Variants in SFXN2 observed in about 807,000 individuals in gnomAD.
SFXN2 encodes the protein sideroflexin 2.
A neutral mutation model predicts 41.9 loss-of-function variants in SFXN2; 37 were observed. That is an observed-to-expected ratio of 0.88 (90% CI 0.68 to 1.16). SFXN2 has a LOEUF of 1.16. Among genes scored for constraint, SFXN2 ranks in the 50% most tolerant of loss-of-function variants. SFXN2 has a pLI of 0.00. For synonymous variants in SFXN2, 150 were observed against 156.7 expected (o/e 0.96, Z 0.32); for missense variants, 386 against 425.2 (o/e 0.91, Z 0.81).
rs1392679789 is a variant in SFXN2, at chr10:102,739,381, T to C, written c.*1619T>C. On this transcript the variant is annotated 3_prime_UTR_variant, in exon 12 of 12. Transcript: ENST00000369893. ...ACAGGAAGCTCCAGATCTCCCAGAA[T>C]GGGAGCTGTGTTGCCCTAGAGCAAG... 6.6e-6 allele frequency: 1 copy of C among 152,160 alleles called. No homozygotes were observed. The highest frequency in any genetic ancestry group is 1.5e-5 in the Non-Finnish European group (1 of 68,020). The allele number at this position is 152,160 out of a possible 1,614,324, so 9.4% of individuals were successfully genotyped here.
intron 10 of SFXN2, among the ~76,000 whole-genome samples, chr10:102,733,877 A>G (rs1237890531): frequency 9.0e-6 from 1 of 111,648 alleles, no homozygotes; most frequent in Non-Finnish European, 1.8e-5. Flanking sequence ...GTCTGGAGCA[A>G]TTTTTTTGTT....
intron 5 of SFXN2, 35 bp downstream of exon 5, chr10:102,729,429 G>A (rs1217651227): frequency 4.4e-6 from 7 of 1,608,902 alleles, no homozygotes; most frequent in South Asian, 1.1e-5. Context: ...TGGTGGCCAC[G>A]CGGGGGCAGC....
chr10:102,731,782 G>A lies in SFXN2; in HGVS notation c.653G>A (p.Arg218Gln), dbSNP rs568644073. The change falls in exon 7 of 12, where the codon CGG becomes CAG. Residue 218 changes from arginine to glutamine, a missense_variant and splice_region_variant. Transcript: ENST00000369893. ...DRNENEIGHS[R>Q]RAAAIGITQV... ...AATGAAAATGAGATTGGTCATTCCCGGGTGAGCAGAGGCCTCCCTTTGGGG... is the reference window on the plus strand; with the variant it reads ...AATGAAAATGAGATTGGTCATTCCCAGGTGAGCAGAGGCCTCCCTTTGGGG... 126 of 1,613,762 alleles carry A rather than the reference G, an allele frequency of 7.8e-5. No individual in the cohort carries two copies. The highest frequency in any genetic ancestry group is 8.7e-5 in the Non-Finnish European group (103 of 1,179,762).
chr10:102,726,142 GT>G (rs1342387340), intron 1 of SFXN2, among the ~76,000 whole-genome samples: 2 of 152,074 alleles, frequency 1.3e-5, no homozygotes, highest in African/African-American at 4.8e-5. Flanking sequence ...TAGAGATGGG[GT>G]TTCACCATGT....
intron 11 of SFXN2, 23 bp from the exon 12 acceptor site, chr10:102,737,640 A>G (rs1432602300): frequency 6.5e-7 from 1 of 1,539,792 alleles, no homozygotes; most frequent in South Asian, 1.1e-5. Flanking sequence ...TGGCATGCTC[A>G]TAATCCACTT....
intron 1 of SFXN2, 92 bp from the exon 2 acceptor site, chr10:102,726,520 A>C: frequency 7.6e-7 from 1 of 1,318,432 alleles, no homozygotes; most frequent in Non-Finnish European, 1.0e-6. Flanking sequence ...GTAGCTGGTG[A>C]GAGCAGGCAG....
chr10:102,729,967 A>G (rs1158931969), intron 6 of SFXN2, among the ~76,000 whole-genome samples, 159 bp downstream of exon 6: 3 of 152,142 alleles, frequency 2.0e-5, no homozygotes, highest in Non-Finnish European at 4.4e-5. Flanking sequence ...TCCCATGGTG[A>G]TGGCCCCGGG....
rs893988297 is a variant in SFXN2 at position 102,729,512 on chromosome 10, C to G, written c.507+118C>G. On this transcript the variant is annotated intron_variant, in intron 5 of 11. Coordinates refer to ENST00000369893, the MANE Select transcript of SFXN2 (RefSeq NM_178858.6). ...GGGTGAGTTGGGAATGGCCAGAGCC[C>G]GGCTGGCCAAGTGATGAGAAATACA... is the stretch of plus-strand genomic sequence containing the variant. 18 of 1,279,008 alleles carry G rather than the reference C, an allele frequency of 1.4e-5. No individual in the cohort carries two copies. The Admixed American group carries it at 3.8e-4, about 27-fold the overall frequency. 79.2% of individuals were successfully genotyped at this position (1,279,008 alleles called of 1,614,324 possible).
At chr10:102,726,843 G>T (rs764774190) in intron 2 of SFXN2, 46 bp downstream of exon 2, 1 of 1,608,678 alleles carries the variant, frequency 6.2e-7, no homozygotes, top group South Asian at 1.1e-5. Flanking sequence ...TAACATTGAT[G>T]GGGTCCTCTT....
At chr10:102,726,545 A>G (rs1047938289) in intron 1 of SFXN2, 67 bp from the exon 2 acceptor site, 2 of 1,516,742 alleles carry the variant, frequency 1.3e-6, no homozygotes, top group Non-Finnish European at 1.8e-6. Flanking sequence ...CAACAGTGGG[A>G]CGTGCTCAGG....
At chr10:102,720,432 AC>A (rs1264527682) in intron 1 of SFXN2, among the ~76,000 whole-genome samples, 1 of 151,774 alleles carries the variant, frequency 6.6e-6, no homozygotes, top group Non-Finnish European at 1.5e-5. Flanking sequence ...ACATAGGGAG[AC>A]CCTGTCTCTA....
intron 2 of SFXN2, 46 bp from the exon 3 acceptor site, chr10:102,726,941 C>T (rs1261710197): frequency 1.3e-6 from 2 of 1,583,754 alleles, no homozygotes; most frequent in Admixed American, 3.4e-5. Context: ...GACTGGGAGA[C>T]ATTGATCAGG....
intron 11 of SFXN2, 55 bp downstream of exon 11, chr10:102,735,964 C>A: frequency 6.6e-7 from 1 of 1,518,704 alleles, no homozygotes; most frequent in Non-Finnish European, 9.1e-7. Context: ...CAGCGCGCTC[C>A]CTGATCTGCC....
Position 102,731,796 on chromosome 10 carries a change from C to T in SFXN2, c.654+13C>T. On this transcript the variant is annotated intron_variant, in intron 7 of 11. Transcript: ENST00000369893. Reference sequence around the variant, plus strand: ...TGGTCATTCCCGGGTGAGCAGAGGCCTCCCTTTGGGGTGGGAGGAGGGAAT... The same window carrying T: ...TGGTCATTCCCGGGTGAGCAGAGGCTTCCCTTTGGGGTGGGAGGAGGGAAT... The T allele has an allele frequency of 6.2e-7, 1 of 1,612,802 alleles. No individual in the cohort carries two copies. Among genetic ancestry groups the T allele is most frequent in the Non-Finnish European group, 8.5e-7 (1 of 1,179,034 alleles).
chr10:102,741,305 G>A lies in SFXN2; in HGVS notation c.*3543G>A, dbSNP rs568711003. 1.3e-5 allele frequency: 2 copies of A among 152,312 alleles called. No homozygotes were observed. The highest frequency in any genetic ancestry group is 4.1e-4 in the South Asian group (2 of 4,830). The allele number at this position is 152,312 out of a possible 1,614,324, so 9.4% of individuals were successfully genotyped here. A position where few individuals can be genotyped will look rare whatever the true frequency, so the allele number is the denominator to read the frequency against. ...GTATCACTTTCTTGCCCAGGCTGGA[G>A]TGCAATGGTATGATCATGACTCATT... On this transcript the variant is annotated 3_prime_UTR_variant, in exon 12 of 12. Coordinates refer to ENST00000369893, the MANE Select transcript of SFXN2 (RefSeq NM_178858.6).
At chr10:102,732,733 G>C in intron 8 of SFXN2, 126 bp from the exon 9 acceptor site, 1 of 922,372 alleles carries the variant, frequency 1.1e-6, no homozygotes, top group South Asian at 1.4e-5. Context: ...GTTCTGCCTA[G>C]TGGTAAGTAT....
rs982166250 is a variant in SFXN2, at chr10:102,739,462, A to G, written c.*1700A>G. The G allele has an allele frequency of 3.9e-5, 6 of 152,252 alleles. No individual in the cohort carries two copies. Among genetic ancestry groups the G allele is most frequent in the African/African-American group, 1.2e-4 (5 of 41,464 alleles). 9.4% of individuals were successfully genotyped at this position (152,252 alleles called of 1,614,324 possible). On this transcript the variant is annotated 3_prime_UTR_variant, in exon 12 of 12. Transcript: ENST00000369893. ...TCCACCTGCCACCTGTTTTTGTGCA[A>G]TTGGAAGCTAAGAATGTTTTTACAT... is the stretch of plus-strand genomic sequence containing the variant.
chr10:102,717,446 T>A (rs1255831066), intron 1 of SFXN2, among the ~76,000 whole-genome samples: 1 of 152,122 alleles, frequency 6.6e-6, no homozygotes, highest in Non-Finnish European at 1.5e-5. Context: ...TGACATTCTC[T>A]AATCCTAGGA....
At chr10:102,732,121 T>G (rs2064713272) in intron 7 of SFXN2, 31 bp from the exon 8 acceptor site, 2 of 1,604,682 alleles carry the variant, frequency 1.2e-6, no homozygotes, top group East Asian at 4.5e-5. Flanking sequence ...GGATACATCA[T>G]TTCTGACAAC....
Sources: gnomAD v4.1 joint callset for allele counts (sites outside exome capture counted in the v4.1 genomes callset) on GRCh38, gnomAD v4.1.1 for gene constraint, MANE v1.5 for transcripts, NCBI Gene and HGNC (gene_info 2026-07-23, HGNC 2026-07-21) for gene names.